DNAH3: variants seen among roughly 807,000 people sequenced by gnomAD.
DNAH3 encodes the protein dynein axonemal heavy chain 3.
Under a neutral mutation model 432.5 loss-of-function variants are expected in DNAH3, and 332 were observed. The observed-to-expected ratio is 0.77, with a 90% confidence interval of 0.70 to 0.84. The LOEUF (loss-of-function observed/expected upper bound fraction) is 0.84. DNAH3 is among the 40% of genes least tolerant of loss of function. The pLI, the probability that DNAH3 is intolerant of heterozygous loss-of-function variation, is 0.00. For missense variants in DNAH3, 4,861 were observed against 5,114.0 expected, an observed-to-expected ratio of 0.95 and a Z score of 1.51; for synonymous variants, 1,956 against 1,900.2, an observed-to-expected ratio of 1.03 and a Z score of -0.76.
At chr16:20,982,699 C>A in intron 49 of DNAH3, 22 bp downstream of exon 49, 1 of 1,604,270 alleles carries the variant, frequency 6.2e-7, no homozygotes, top group South Asian at 1.1e-5. Context: ...ATCTAGAGTC[C>A]TAAAATGCAA....
At chr16:21,019,766 C>T in exon 41 of DNAH3, 1 of 1,614,160 alleles carries the variant, frequency 6.2e-7, no homozygotes, top group Non-Finnish European at 8.5e-7. Context: ...CCACGGTCCA[C>T]ACCAAGGAAA....
intron 52 of DNAH3, 114 bp downstream of exon 52, chr16:20,969,678 A>G: frequency 1.6e-6 from 2 of 1,217,850 alleles, no homozygotes; most frequent in Non-Finnish European, 1.2e-6. Context: ...AATTCCTCCA[A>G]ACTCAGTGAT....
intron 9 of DNAH3, among the ~76,000 whole-genome samples, chr16:21,122,612 T>C (rs1006846219): frequency 2.6e-5 from 4 of 152,134 alleles, no homozygotes; most frequent in African/African-American, 9.7e-5. Flanking sequence ...CCTGACTCCA[T>C]GCACTCTCCC....
At chr16:21,068,193 C>T (rs992045364) in intron 23 of DNAH3, among the ~76,000 whole-genome samples, 4 of 152,162 alleles carry the variant, frequency 2.6e-5, no homozygotes, top group South Asian at 4.1e-4. Flanking sequence ...GTGCCTTGCA[C>T]GCCCAGTGAA....
At chr16:21,154,839 C>T (rs760796464) in intron 1 of DNAH3, among the ~76,000 whole-genome samples, 2 of 152,158 alleles carry the variant, frequency 1.3e-5, no homozygotes, top group Non-Finnish European at 2.9e-5. Context: ...AGTGACTTCC[C>T]CCAGGCCACC....
chr16:21,055,369 T>A (rs1567710883), intron 27 of DNAH3, among the ~76,000 whole-genome samples: 1 of 152,116 alleles, frequency 6.6e-6, no homozygotes, highest in Non-Finnish European at 1.5e-5. Context: ...CATTTCTTTT[T>A]CAAGATGACA....
chr16:21,105,166 C>T (rs116020846), intron 15 of DNAH3, among the ~76,000 whole-genome samples: 2,194 of 152,230 alleles, frequency 0.014, 63 homozygotes, highest in African/African-American at 0.049. Flanking sequence ...GTCGAGGGCA[C>T]AGCTCGTGAA....
chr16:20,951,382 T>C (rs2152577416), intron 56 of DNAH3, among the ~76,000 whole-genome samples: 1 of 152,098 alleles, frequency 6.6e-6, no homozygotes, highest in East Asian at 1.9e-4. Flanking sequence ...CCCCAAGATT[T>C]AATCATTATG....
chr16:21,045,102 C>T lies in DNAH3; in HGVS notation c.4462-2899G>A, dbSNP rs199674323. Among the ~76,000 whole-genome samples, 91 of 152,108 alleles carry T rather than the reference C, an allele frequency of 6.0e-4. No individual in the cohort carries two copies. The East Asian group carries it at 0.016, about 27-fold the overall frequency. ...AGTATTTTATTGAGGATTTTTGCAT[C>T]GATGTTCATCAAGGATATTGGTCTA... On this transcript the variant is annotated intron_variant, in intron 31 of 61. Transcript: ENST00000261383.
intron 47 of DNAH3, among the ~76,000 whole-genome samples, chr16:20,986,186 G>A (rs2086187089): frequency 1.3e-5 from 2 of 150,690 alleles, no homozygotes; most frequent in Non-Finnish European, 3.0e-5. Flanking sequence ...CATAATATGT[G>A]GATTTCATGC....
rs1011657849 is a variant in DNAH3 at position 20,959,423 on chromosome 16, G to T, written c.10601-19C>A. On this transcript the variant is annotated intron_variant, in intron 53 of 61. Coordinates refer to ENST00000261383, the Ensembl canonical transcript of DNAH3. ...AGCAGGCCTGAGACCAGGAAGAAAG[G>T]AGGCTTTTGAAAGACGACAGGCCAG... The T allele has an allele frequency of 2.5e-6, 4 of 1,605,284 alleles. No individual in the cohort carries two copies. The highest frequency in any genetic ancestry group is 3.4e-6 in the Non-Finnish European group (4 of 1,172,852).
At chr16:21,151,587 G>C (rs775283741) in intron 1 of DNAH3, among the ~76,000 whole-genome samples, 1 of 151,972 alleles carries the variant, frequency 6.6e-6, no homozygotes, top group Non-Finnish European at 1.5e-5. Flanking sequence ...GAGCCACTGC[G>C]CCCAGCCCAG....
At chr16:21,063,278 T>A (rs898687675) in intron 24 of DNAH3, among the ~76,000 whole-genome samples, 1 of 152,054 alleles carries the variant, frequency 6.6e-6, no homozygotes, top group East Asian at 1.9e-4. Flanking sequence ...GAAATTTGTA[T>A]TTTTTTAAAT....
At chr16:20,975,182 C>T (rs2152646905) in intron 51 of DNAH3, 51 bp downstream of exon 51, 2 of 1,598,252 alleles carry the variant, frequency 1.3e-6, no homozygotes, top group South Asian at 2.3e-5. Context: ...TGGGTATAAC[C>T]ACGCTCATTC....
At chr16:21,124,876 C>G (rs1461010535) in intron 9 of DNAH3, among the ~76,000 whole-genome samples, 1 of 152,206 alleles carries the variant, frequency 6.6e-6, no homozygotes, top group Non-Finnish European at 1.5e-5. Flanking sequence ...TCTTGAACTT[C>G]TGACGTCAGG....
chr16:21,039,214 C>CTTTTTTTTTTTTTTTTTTTTTTTTTT (rs200708542), intron 33 of DNAH3, among the ~76,000 whole-genome samples: 1 of 125,986 alleles, frequency 7.9e-6, no homozygotes, highest in African/African-American at 3.2e-5. Flanking sequence ...TATAGTGTTG[C>CTTTTTTTTTTTTTTTTTTTTTTTTTT]TTTTTTTTTT....
At chr16:21,100,743 G>A (rs192991000) in intron 16 of DNAH3, among the ~76,000 whole-genome samples, 121 of 152,250 alleles carry the variant, frequency 7.9e-4, no homozygotes, top group African/African-American at 2.9e-3. Flanking sequence ...GGGGGAGAGA[G>A]GCAATGCTTA....
intron 18 of DNAH3, among the ~76,000 whole-genome samples, chr16:21,091,914 C>T (rs193052838): frequency 6.4e-4 from 98 of 152,118 alleles, no homozygotes; most frequent in African/African-American, 2.3e-3. Context: ...AAAATATTTG[C>T]AAGATCTGTA....
At chr16:21,154,266 G>T (rs1055968266) in intron 1 of DNAH3, among the ~76,000 whole-genome samples, 2 of 152,214 alleles carry the variant, frequency 1.3e-5, no homozygotes, top group East Asian at 1.9e-4. Flanking sequence ...TTAGCCGGGC[G>T]TGGTGGCAGG....
Sources: allele counts gnomAD v4.1 joint callset (sites outside exome capture counted in the v4.1 genomes callset), GRCh38; gene constraint gnomAD v4.1.1; transcripts MANE v1.5; gene names NCBI Gene and HGNC (gene_info 2026-07-23, HGNC 2026-07-21).